Variants in ZFHX3 observed in about 807,000 individuals in gnomAD.
The protein encoded by ZFHX3 is zinc finger homeobox 3.
ZFHX3 carries 42 observed loss-of-function variants against 279.1 expected under a neutral mutation model. The ratio of observed to expected loss-of-function variants is 0.15; its 90% CI spans 0.12 to 0.19. The LOEUF (loss-of-function observed/expected upper bound fraction) is 0.19. ZFHX3 is among the 10% of genes least tolerant of loss of function. The pLI is 1.00. For synonymous variants in ZFHX3, 2,293 were observed against 1,957.8 expected, an observed-to-expected ratio of 1.17 and a Z score of -4.52; for missense variants, 4,981 against 4,754.0, an observed-to-expected ratio of 1.05 and a Z score of -1.40.
chr16:72,889,368 T>C (rs963439723), intron 4 of ZFHX3, among the ~76,000 whole-genome samples: 4 of 151,780 alleles, frequency 2.6e-5, no homozygotes, highest in African/African-American at 7.3e-5. Context: ...ATCTAAAGTA[T>C]GTACTGGAGG....
At chr16:72,988,318 G>C (rs148835588) in intron 1 of ZFHX3, among the ~76,000 whole-genome samples, 1 of 152,174 alleles carries the variant, frequency 6.6e-6, no homozygotes, top group African/African-American at 2.4e-5. Context: ...CAGTCCCGGA[G>C]CTACTCTTCC....
At chr16:73,344,010 C>A (rs2016080985) in intron 3 of ZFHX3, among the ~76,000 whole-genome samples, 1 of 152,044 alleles carries the variant, frequency 6.6e-6, no homozygotes, top group Admixed American at 6.5e-5. Context: ...TAAGAAGTGC[C>A]CATGGATGCT....
intron 5 of ZFHX3, among the ~76,000 whole-genome samples, chr16:73,220,191 G>A (rs1272044444): frequency 6.6e-6 from 1 of 152,162 alleles, no homozygotes; most frequent in African/African-American, 2.4e-5. Context: ...GGGACTACTA[G>A]AGAGGACAGG....
chr16:72,899,261 G>T (rs1484241445), intron 3 of ZFHX3, among the ~76,000 whole-genome samples: 1 of 152,092 alleles, frequency 6.6e-6, no homozygotes, highest in East Asian at 1.9e-4. Context: ...GGATCTGGTG[G>T]GAGGTAACTG....
intron 1 of ZFHX3, among the ~76,000 whole-genome samples, chr16:73,779,437 TCA>T (rs1959376943): frequency 0.095 from 7 of 74 alleles, no homozygotes; most frequent in African/African-American, 0.18. Flanking sequence ...TAGTATGGAA[TCA>T]TCGAGAAGAA....
intron 5 of ZFHX3, among the ~76,000 whole-genome samples, chr16:73,188,736 T>C (rs1967967024): frequency 6.6e-6 from 1 of 152,160 alleles, no homozygotes; most frequent in Admixed American, 6.5e-5. Context: ...GAAGAAAACC[T>C]GAGAGAGAAA....
chr16:73,444,328 T>C lies in ZFHX3; in HGVS notation c.-1291+11675A>G, dbSNP rs573350543. Reference sequence around the variant, plus strand: ...AAAATAGAATATTCCGTATAAACACTTTACTGTGCAAAACAGCTGATCAGA... The same window carrying C: ...AAAATAGAATATTCCGTATAAACACCTTACTGTGCAAAACAGCTGATCAGA... On this transcript the variant is annotated intron_variant, in intron 3 of 17. Coordinates refer to the ZFHX3 transcript ENST00000641206. Among the ~76,000 whole-genome samples the C allele has an allele frequency of 9.8e-5, 15 of 152,344 alleles. No homozygotes were observed. The South Asian group carries it at 2.9e-3, about 29-fold the overall frequency.
rs187142459 is a variant in ZFHX3, at chr16:72,945,754, C to T, written c.3216+4715G>A. 5.9e-5 allele frequency among the ~76,000 whole-genome samples: 9 copies of T among 152,112 alleles called. No homozygotes were observed. The South Asian group carries it at 8.3e-4, about 14-fold the overall frequency. ...GACGCAAACCATATGACACTTTCACCGGAGCTTCAAACACACAGCCAAGCT... is the reference window on the plus strand; with the variant it reads ...GACGCAAACCATATGACACTTTCACTGGAGCTTCAAACACACAGCCAAGCT... On this transcript the variant is annotated intron_variant, in intron 3 of 9. Transcript: ENST00000268489.
chr16:72,992,835 G>A (rs916257147), intron 1 of ZFHX3, among the ~76,000 whole-genome samples: 1 of 152,196 alleles, frequency 6.6e-6, no homozygotes, highest in African/African-American at 2.4e-5. Context: ...GCCTTCGAGG[G>A]GCATCAAAAA....
At chr16:72,909,621 A>C (rs1339219553) in intron 3 of ZFHX3, among the ~76,000 whole-genome samples, 1 of 152,190 alleles carries the variant, frequency 6.6e-6, no homozygotes, top group Non-Finnish European at 1.5e-5. Flanking sequence ...GGTGCGGTAT[A>C]ATCCCAGCAC....
chr16:73,606,689 G>T (rs1006887542), intron 2 of ZFHX3, among the ~76,000 whole-genome samples: 1 of 151,994 alleles, frequency 6.6e-6, no homozygotes, highest in East Asian at 1.9e-4. Flanking sequence ...TAGGTATTAC[G>T]CCCAGCATGC....
At chr16:73,051,972 G>A (rs1006956851), upstream of ZFHX3, among the ~76,000 whole-genome samples, 2 of 152,222 alleles carry the variant, frequency 1.3e-5, no homozygotes, top group East Asian at 1.9e-4. Context: ...GGACAGCATC[G>A]CAATCTGGGT....
chr16:73,129,379 GACAC>G (rs59666622), intron 7 of ZFHX3, among the ~76,000 whole-genome samples: 24,106 of 137,776 alleles, frequency 0.17, 2,014 homozygotes, highest in South Asian at 0.23. Context: ...CAGAGACTCT[GACAC>G]ACACACACAC....
chr16:73,638,833 T>C (rs2052550008), intron 2 of ZFHX3, among the ~76,000 whole-genome samples: 1 of 152,196 alleles, frequency 6.6e-6, no homozygotes, highest in African/African-American at 2.4e-5. Flanking sequence ...TCTGCTAAAA[T>C]GTGTTTTTTA....
At position 72,950,514 on chromosome 16, in the gene ZFHX3, C is replaced by A. The variant is rs201384272; in HGVS notation, c.3171G>T (p.Leu1057=). 3.1e-5 allele frequency: 50 copies of A among 1,614,224 alleles called. No homozygotes were observed. Among genetic ancestry groups the A allele is most frequent in the Non-Finnish European group, 4.1e-5 (48 of 1,180,030 alleles). The change falls in exon 3 of 10, where the codon CTG becomes CTT. Residue 1057 remains leucine, a synonymous_variant. Transcript: ENST00000268489. ...CCTCGTGCCTGGAGTTGACCGTGTGCAGCCGCAGCTTCTCCAGGCTGTTGG... is the reference window on the plus strand; with the variant it reads ...CCTCGTGCCTGGAGTTGACCGTGTGAAGCCGCAGCTTCTCCAGGCTGTTGG... ...YYTNSLEKLR[L]HTVNSRHEAS...
chr16:73,609,275 T>A (rs549906956), intron 2 of ZFHX3: 2 of 152,302 alleles, frequency 1.3e-5, no homozygotes, highest in South Asian at 4.1e-4. Context: ...AATTTATTCA[T>A]CATAACCACC....
chr16:73,802,913 G>A (rs768943677), intron 1 of ZFHX3, among the ~76,000 whole-genome samples: 1 of 152,228 alleles, frequency 6.6e-6, no homozygotes, highest in South Asian at 2.1e-4. Flanking sequence ...CACTTCCCAG[G>A]TTCAAGCAAT....
chr16:73,064,650 C>T (rs1445424586), upstream of ZFHX3, among the ~76,000 whole-genome samples: 3 of 152,062 alleles, frequency 2.0e-5, no homozygotes, highest in Non-Finnish European at 4.4e-5. Flanking sequence ...AAGAATGAGC[C>T]CCAAACTTGG....
intron 3 of ZFHX3, among the ~76,000 whole-genome samples, chr16:73,337,101 A>C (rs1465643825): frequency 6.6e-6 from 1 of 152,134 alleles, no homozygotes. Context: ...CAATATCATC[A>C]TATTTCAAAA....
Sources: allele counts gnomAD v4.1 joint callset (sites outside exome capture counted in the v4.1 genomes callset), GRCh38; gene constraint gnomAD v4.1.1; transcripts MANE v1.5; gene names NCBI Gene and HGNC (gene_info 2026-07-23, HGNC 2026-07-21).